Variants in KCTD19 observed in about 807,000 individuals in gnomAD.
KCTD19 encodes the protein BTB/POZ domain-containing protein KCTD19.
In KCTD19, 67 loss-of-function variants were observed where a neutral mutation model predicts 103.5. The observed-to-expected ratio is 0.65, with a 90% CI of 0.53 to 0.79. The LOEUF (loss-of-function observed/expected upper bound fraction) is 0.79. Among genes scored for constraint, KCTD19 ranks in the 30% least tolerant of loss-of-function variants. The pLI, the probability that KCTD19 is intolerant of heterozygous loss-of-function variation, is 0.00. For synonymous variants in KCTD19, 439 were observed against 452.2 expected, an observed-to-expected ratio of 0.97 and a Z score of 0.37; for missense variants, 980 against 1,136.1, an observed-to-expected ratio of 0.86 and a Z score of 1.98.
At position 67,291,450 on chromosome 16, in the gene KCTD19, C is replaced by G; in HGVS notation, c.2424G>C (p.Leu808=). 2 of 1,613,858 alleles carry G rather than the reference C, an allele frequency of 1.2e-6. No homozygotes were observed. The highest frequency in any genetic ancestry group is 1.7e-6 in the Non-Finnish European group (2 of 1,179,852). The stretch of plus-strand genomic sequence containing the variant: ...TCTCTTCCCAGGACAGAGAGAAACT[C>G]AGGAAAGTCACTTCTGTGGAGGAGG... ...ASPQPQEVTF[L]SFSLSWEEMF... The change falls in exon 14 of 16, where the codon CTG becomes CTC. Residue 808 remains leucine (L), a synonymous_variant. Transcript: ENST00000304372.
intron 2 of KCTD19, among the ~76,000 whole-genome samples, chr16:67,315,959 G>A (rs1395290287): frequency 6.6e-6 from 1 of 152,138 alleles, no homozygotes; most frequent in East Asian, 1.9e-4. Flanking sequence ...ATACCTGCAT[G>A]CCTTACCCCT....
intron 2 of KCTD19, among the ~76,000 whole-genome samples, chr16:67,318,522 T>C (rs1048633077): frequency 7.2e-6 from 1 of 139,296 alleles, no homozygotes; most frequent in Admixed American, 7.8e-5. Context: ...ATAGCGCCAC[T>C]GCACTCCAGC....
intron 2 of KCTD19, among the ~76,000 whole-genome samples, chr16:67,310,497 G>A (rs1014569592): frequency 3.3e-5 from 5 of 152,260 alleles, no homozygotes; most frequent in South Asian, 2.1e-4. Flanking sequence ...CACATGTTAC[G>A]ACCTGGAAAA....
intron 2 of KCTD19, among the ~76,000 whole-genome samples, chr16:67,317,807 A>G (rs1248438982): frequency 6.6e-6 from 1 of 152,154 alleles, no homozygotes; most frequent in Non-Finnish European, 1.5e-5. Flanking sequence ...GTTTTCCCCA[A>G]AGCCCACAGG....
chr16:67,306,401 G>T (rs954974736), intron 2 of KCTD19, among the ~76,000 whole-genome samples: 1 of 152,132 alleles, frequency 6.6e-6, no homozygotes, highest in Non-Finnish European at 1.5e-5. Context: ...GAGTACCTGG[G>T]ATTACAGGTG....
chr16:67,302,999 A>G (rs1048445493), intron 4 of KCTD19, 147 bp downstream of exon 4: 2 of 676,962 alleles, frequency 3.0e-6, no homozygotes, highest in African/African-American at 3.7e-5. Flanking sequence ...TGCTTCCTGG[A>G]AGGCTCTGTC....
At chr16:67,313,613 G>A (rs566243862) in intron 2 of KCTD19, among the ~76,000 whole-genome samples, 50 of 152,134 alleles carry the variant, frequency 3.3e-4, no homozygotes, top group Non-Finnish European at 6.0e-4. Flanking sequence ...TTTGGGGATA[G>A]AGTCTTGCTC....
intron 15 of KCTD19, among the ~76,000 whole-genome samples, chr16:67,290,613 A>G (rs1232065492): frequency 6.6e-6 from 1 of 152,198 alleles, no homozygotes; most frequent in Non-Finnish European, 1.5e-5. Context: ...CTCATATGAT[A>G]TGTGTCCCTA....
intron 2 of KCTD19, among the ~76,000 whole-genome samples, chr16:67,319,476 A>G (rs961577549): frequency 6.6e-6 from 1 of 152,080 alleles, no homozygotes; most frequent in Non-Finnish European, 1.5e-5. Context: ...CCTTGTACAG[A>G]TGGTAGGATT....
intron 2 of KCTD19, among the ~76,000 whole-genome samples, chr16:67,307,083 C>T (rs28715082): frequency 0.045 from 6,809 of 151,946 alleles, 505 homozygotes; most frequent in African/African-American, 0.16. Context: ...TTTTGGGGTA[C>T]ATGTGATATT....
chr16:67,317,363 T>G (rs1567454464), intron 2 of KCTD19, among the ~76,000 whole-genome samples: 1 of 151,642 alleles, frequency 6.6e-6, no homozygotes, highest in Admixed American at 6.6e-5. Flanking sequence ...CCTGTAATCC[T>G]AGCTACTTGG....
In KCTD19 at chr16:67,304,663, C is replaced by T. The variant is rs928374029; in HGVS notation, c.301-92G>A. 2.6e-6 allele frequency: 3 copies of T among 1,158,646 alleles called. No homozygotes were observed. The African/African-American group carries it at 4.7e-5, about 18-fold the overall frequency. 71.8% of individuals were successfully genotyped at this position (1,158,646 alleles called of 1,614,324 possible). On this transcript the variant is annotated intron_variant, in intron 2 of 15. Coordinates refer to ENST00000304372, the MANE Select transcript of KCTD19 (RefSeq NM_001100915.3). ...GAAGATCAGGAAAAACAGTATGTGA[C>T]TTACTTTTTTTTTTTTTTGAGACAG...
intron 15 of KCTD19, among the ~76,000 whole-genome samples, chr16:67,289,967 G>A (rs1343391644): frequency 1.3e-5 from 2 of 152,142 alleles, no homozygotes; most frequent in African/African-American, 2.4e-5. Flanking sequence ...AACCACATAT[G>A]AGCCAGATGC....
chr16:67,307,471 A>G (rs1225612037), intron 2 of KCTD19, among the ~76,000 whole-genome samples: 1 of 151,838 alleles, frequency 6.6e-6, no homozygotes, highest in Non-Finnish European at 1.5e-5. Context: ...GCACCACCAC[A>G]CCTGGCTAAT....
chr16:67,311,892 T>C (rs2036953492), intron 2 of KCTD19, among the ~76,000 whole-genome samples: 1 of 152,208 alleles, frequency 6.6e-6, no homozygotes, highest in Non-Finnish European at 1.5e-5. Flanking sequence ...AGCTACACAG[T>C]TGGGATGAAT....
intron 2 of KCTD19, among the ~76,000 whole-genome samples, chr16:67,315,123 A>T (rs560746402): frequency 4.5e-4 from 67 of 149,810 alleles, no homozygotes; most frequent in Middle Eastern, 3.6e-3. Context: ...AGCCTCCAAG[A>T]GCTACCTATA....
At chr16:67,297,464 C>G (rs774123246) in intron 7 of KCTD19, 39 bp downstream of exon 7, 1 of 1,601,538 alleles carries the variant, frequency 6.2e-7, no homozygotes, top group Non-Finnish European at 8.5e-7. Flanking sequence ...CAGATACTCC[C>G]CTGATGCTAA....
intron 2 of KCTD19, chr16:67,305,671 G>C (rs1009828346): frequency 4.5e-6 from 2 of 448,458 alleles, no homozygotes; most frequent in East Asian, 7.2e-5. Context: ...CTGTCTTTAC[G>C]CTAGAAGAAG....
At chr16:67,290,686 A>C (rs913075641) in intron 15 of KCTD19, among the ~76,000 whole-genome samples, 199 bp downstream of exon 15, 110 of 152,156 alleles carry the variant, frequency 7.2e-4, no homozygotes, top group African/African-American at 2.6e-3. Context: ...AACTGTAAAA[A>C]CCAGTGGCCT....
Sources: allele counts gnomAD v4.1 joint callset (sites outside exome capture counted in the v4.1 genomes callset), GRCh38; gene constraint gnomAD v4.1.1; transcripts MANE v1.5; gene names NCBI Gene and HGNC (gene_info 2026-07-23, HGNC 2026-07-21).